Variants in ALDH7A1 observed in about 807,000 individuals in gnomAD.
ALDH7A1 encodes the protein alpha-aminoadipic semialdehyde dehydrogenase.
ALDH7A1 carries 63 observed loss-of-function variants against 79.9 expected under a neutral mutation model. That is an observed-to-expected ratio of 0.79 (90% CI 0.64 to 0.97). The LOEUF (loss-of-function observed/expected upper bound fraction) is 0.97, where lower values mean the gene tolerates loss of function less well. ALDH7A1 is among the 50% of genes least tolerant of loss of function. The probability of loss-of-function intolerance (pLI) is 0.00; values close to 1 mark genes in which losing one functional copy is unlikely to be tolerated. For synonymous variants in ALDH7A1, 240 were observed against 231.2 expected, an observed-to-expected ratio of 1.04 and a Z score of -0.34; for missense variants, 627 against 665.2, an observed-to-expected ratio of 0.94 and a Z score of 0.63.
intron 8 of ALDH7A1, chr5:126,569,409 A>C (rs1750703408): frequency 6.6e-6 from 1 of 152,196 alleles, no homozygotes. Context: ...GCTTCTAAGG[A>C]ATGCAAATCA....
chr5:126,593,828 G>C, intron 1 of ALDH7A1: 2 of 287,322 alleles, frequency 7.0e-6, no homozygotes, highest in Non-Finnish European at 6.7e-6. Context: ...AGAGGTCTCA[G>C]GTCAACAATG....
intron 5 of ALDH7A1, among the ~76,000 whole-genome samples, chr5:126,579,683 T>A (rs1581391467): frequency 6.6e-6 from 1 of 151,360 alleles, no homozygotes; most frequent in African/African-American, 2.4e-5. Flanking sequence ...GTAAGCTAGG[T>A]GTGGTGGCTC....
chr5:126,571,149 G>GTTT, intron 7 of ALDH7A1: 1 of 198,736 alleles, frequency 5.0e-6, no homozygotes, highest in South Asian at 5.2e-5. Context: ...ACTATTAGCA[G>GTTT]ATTTTTTTTT....
In ALDH7A1 at chr5:126,594,865, G is replaced by A. The variant is rs995536673; in HGVS notation, c.192+142C>T. The A allele has an allele frequency of 3.5e-6, 4 of 1,151,086 alleles. No individual in the cohort carries two copies. The African/African-American group carries it at 4.7e-5, about 13-fold the overall frequency. 71.3% of individuals were successfully genotyped at this position (1,151,086 alleles called of 1,614,324 possible). ...TTTTTGTTTTAAAGGCACCCTACACGAGAAAACTTTTACTGTGGAGCTTCA... is the reference window on the plus strand; with the variant it reads ...TTTTTGTTTTAAAGGCACCCTACACAAGAAAACTTTTACTGTGGAGCTTCA... On this transcript the variant is annotated intron_variant, in intron 1 of 17. Transcript: ENST00000409134.
rs925905665 is a variant in ALDH7A1, at chr5:126,563,801, TTTTC to T, written c.872-2681_872-2678del. 4.6e-5 allele frequency among the ~76,000 whole-genome samples: 7 copies of T among 151,884 alleles called. 1 individual carries two copies. In the East Asian group the frequency reaches 5.8e-4, roughly 13 times the overall value. ...CCATCGCAACCGGCCCACCATTTTTTTTTCTTTCTTTCTTTTTTCAAGAGTCACC... is the reference window on the plus strand; with the variant it reads ...CCATCGCAACCGGCCCACCATTTTTTTTTCTTTCTTTTTTCAAGAGTCACC... On this transcript the variant is annotated intron_variant, in intron 9 of 17. Coordinates refer to ENST00000409134, the MANE Select transcript of ALDH7A1 (RefSeq NM_001182.5).
chr5:126,552,783 T>C (rs1937503692), intron 13 of ALDH7A1, among the ~76,000 whole-genome samples: 1 of 151,950 alleles, frequency 6.6e-6, no homozygotes, highest in Admixed American at 6.6e-5. Flanking sequence ...TTGGTCTTGC[T>C]TTGTTGTCCA....
intron 7 of ALDH7A1, among the ~76,000 whole-genome samples, chr5:126,574,977 G>A (rs1170105232): frequency 2.0e-5 from 3 of 152,124 alleles, no homozygotes; most frequent in African/African-American, 2.4e-5. Context: ...CAAAAGATGC[G>A]ATACATTTTA....
chr5:126,579,568 G>A (rs1053372962), intron 5 of ALDH7A1, among the ~76,000 whole-genome samples: 3 of 152,048 alleles, frequency 2.0e-5, no homozygotes, highest in Admixed American at 6.6e-5. Context: ...AGACTACCCG[G>A]CACCTGATAG....
intron 5 of ALDH7A1, 26 bp from the exon 6 acceptor site, chr5:126,577,237 TGCAGAA>T: frequency 6.2e-7 from 1 of 1,613,552 alleles, no homozygotes; most frequent in East Asian, 2.2e-5. Context: ...GGATGGAACA[TGCAGAA>T]GCATGTTAAT....
At chr5:126,545,211 G>T (rs761340520) in intron 17 of ALDH7A1, among the ~76,000 whole-genome samples, 192 bp from the exon 18 acceptor site, 57 of 152,204 alleles carry the variant, frequency 3.7e-4, no homozygotes, top group Non-Finnish European at 6.9e-4. Flanking sequence ...AAAAAAGACA[G>T]AAACATAAAA....
At position 126,543,184 on chromosome 5, in the gene ALDH7A1, T is replaced by G. The variant is rs980277072; in HGVS notation, c.*1781A>C. ...TTGGATAGTTAAAAATACTAACAAGTGATTTATATCTGCTAAATCAGCAAA... is the reference window on the plus strand; with the variant it reads ...TTGGATAGTTAAAAATACTAACAAGGGATTTATATCTGCTAAATCAGCAAA... On this transcript the variant is annotated 3_prime_UTR_variant, in exon 18 of 18. Coordinates refer to ENST00000409134, the MANE Select transcript of ALDH7A1 (RefSeq NM_001182.5). The G allele has an allele frequency of 5.9e-5, 9 of 152,324 alleles. No homozygotes were observed. The highest frequency in any genetic ancestry group is 1.9e-4 in the African/African-American group (8 of 41,568). 9.4% of individuals were successfully genotyped at this position (152,324 alleles called of 1,614,324 possible).
chr5:126,570,757 G>C, intron 8 of ALDH7A1, 25 bp downstream of exon 8: 2 of 1,611,732 alleles, frequency 1.2e-6, no homozygotes, highest in Non-Finnish European at 1.7e-6. Flanking sequence ...CTTCAACAGA[G>C]GATGCTCTCA....
chr5:126,567,571 T>C (rs1750628029), intron 9 of ALDH7A1, among the ~76,000 whole-genome samples: 1 of 151,514 alleles, frequency 6.6e-6, no homozygotes, highest in South Asian at 2.1e-4. Context: ...CCTCCCGGGT[T>C]CACGCCATTC....
At chr5:126,576,955 T>C in intron 6 of ALDH7A1, 124 bp downstream of exon 6, 10 of 1,251,182 alleles carry the variant, frequency 8.0e-6, no homozygotes, top group Non-Finnish European at 1.1e-5. Flanking sequence ...TAAAGTTTTA[T>C]TGAAGAAGCC....
chr5:126,594,338 A>G, intron 1 of ALDH7A1: 1 of 460,736 alleles, frequency 2.2e-6, no homozygotes. Context: ...TGCACGTCAC[A>G]GCTGAAGAGC....
chr5:126,551,923 A>C (rs950195479), intron 14 of ALDH7A1, 98 bp downstream of exon 14: 9 of 968,316 alleles, frequency 9.3e-6, no homozygotes, highest in Non-Finnish European at 1.5e-5. Flanking sequence ...TACTTTCTAA[A>C]ACCCTCTTAA....
chr5:126,570,548 T>G lies in ALDH7A1; in HGVS notation c.773+234A>C, dbSNP rs974397546. ...TACAGCAGTTTGTTATTTCAGGATA[T>G]AAACACCTTAACAAATAGTACCTCT... On this transcript the variant is annotated intron_variant, in intron 8 of 17. Transcript: ENST00000409134. 5 of 490,800 alleles carry G rather than the reference T, an allele frequency of 1.0e-5. No individual in the cohort carries two copies. The East Asian group carries it at 1.9e-4, about 19-fold the overall frequency. The allele number at this position is 490,800 out of a possible 1,614,324, so 30.4% of individuals were successfully genotyped here.
chr5:126,586,195 TGCA>T (rs1751354386), intron 3 of ALDH7A1: 1 of 152,208 alleles, frequency 6.6e-6, no homozygotes, highest in African/African-American at 2.4e-5. Context: ...TTTATATGTT[TGCA>T]ATGTCTGTCA....
intron 14 of ALDH7A1, 103 bp from the exon 15 acceptor site, chr5:126,550,396 T>C: frequency 1.1e-6 from 1 of 879,896 alleles, no homozygotes; most frequent in Non-Finnish European, 1.8e-6. Context: ...AATTTCAGTG[T>C]ACAAAAGGAA....
Sources: gnomAD v4.1 joint callset for allele counts (sites outside exome capture counted in the v4.1 genomes callset) on GRCh38, gnomAD v4.1.1 for gene constraint, MANE v1.5 for transcripts, NCBI Gene and HGNC (gene_info 2026-07-23, HGNC 2026-07-21) for gene names.